CLMP: variants seen among roughly 807,000 people sequenced by gnomAD.
CLMP encodes the protein CXADR-like membrane protein.
Under a neutral mutation model 45.2 loss-of-function variants are expected in CLMP, and 27 were observed. The ratio of observed to expected loss-of-function variants is 0.60; its 90% CI spans 0.44 to 0.82. CLMP has a LOEUF of 0.82. Among genes scored for constraint, CLMP ranks in the 40% least tolerant of loss-of-function variants. CLMP has a pLI of 0.00. For missense variants in CLMP, 403 were observed against 448.4 expected (o/e 0.90, Z 0.91); for synonymous variants, 167 against 171.4 (o/e 0.97, Z 0.20).
chr11:123,118,824 G>A (rs80240999), intron 1 of CLMP, among the ~76,000 whole-genome samples: 12,983 of 151,936 alleles, frequency 0.085, 884 homozygotes, highest in African/African-American at 0.19. Flanking sequence ...TCACACTCAC[G>A]TACTCATTCA....
intron 1 of CLMP, among the ~76,000 whole-genome samples, chr11:123,125,525 T>TCCCTTCCCTC (rs1475470274): frequency 3.4e-5 from 3 of 89,480 alleles, no homozygotes; most frequent in East Asian, 8.7e-4. Context: ...TCCCTTCCCT[T>TCCCTTCCCTC]CCCTTCCCTC....
At chr11:123,083,924 C>A in intron 3 of CLMP, 77 bp from the exon 4 acceptor site, 1 of 1,527,078 alleles carries the variant, frequency 6.5e-7, no homozygotes, top group Non-Finnish European at 8.9e-7. Context: ...AAAATTATGT[C>A]CTATTGAGTT....
At chr11:123,074,162 A>G (rs868570532) in intron 6 of CLMP, among the ~76,000 whole-genome samples, 11 of 149,538 alleles carry the variant, frequency 7.4e-5, no homozygotes, top group African/African-American at 2.7e-4. Context: ...ATGTATATAC[A>G]TATGTACATA....
At position 123,195,083 on chromosome 11, in the gene CLMP, G is replaced by A; in HGVS notation, c.-143C>T. 1.7e-6 allele frequency: 1 copy of A among 597,162 alleles called. No individual in the cohort carries two copies. The highest frequency in any genetic ancestry group is 2.4e-6 in the Non-Finnish European group (1 of 413,598). 37.0% of individuals were successfully genotyped at this position (597,162 alleles called of 1,614,324 possible). ...GGCTGCAGCCATGTGCCGGGCGGGAGCCGGCCCCGCGCCCCGTGCCCCTGG... is the reference window on the plus strand; with the variant it reads ...GGCTGCAGCCATGTGCCGGGCGGGAACCGGCCCCGCGCCCCGTGCCCCTGG... On this transcript the variant is annotated 5_prime_UTR_variant, in exon 1 of 7. Coordinates refer to ENST00000448775, the MANE Select transcript of CLMP (RefSeq NM_024769.5).
intron 1 of CLMP, among the ~76,000 whole-genome samples, chr11:123,119,044 TCCCTCTCC>T (rs1565387997): frequency 6.2e-5 from 2 of 32,404 alleles, no homozygotes; most frequent in Non-Finnish European, 1.1e-4. Context: ...TCTCTCTCTC[TCCCTCTCC>T]CTCTCTCTCT....
At chr11:123,081,363 T>TA (rs1162010175) in intron 5 of CLMP, among the ~76,000 whole-genome samples, 3 of 152,202 alleles carry the variant, frequency 2.0e-5, no homozygotes, top group African/African-American at 7.2e-5. Context: ...ACTCAATCTC[T>TA]AGATTATAAG....
rs1023456275 is a variant in CLMP at position 123,107,232 on chromosome 11, A to AT, written c.29-9281dup. On this transcript the variant is annotated intron_variant, in intron 1 of 6. Transcript: ENST00000448775. ...TTCACCACCATGCCTGGCTAATGAA[A>AT]TTTTTTTTTTTTAATTTAGACGGAG... Among the ~76,000 whole-genome samples the AT allele has an allele frequency of 9.1e-3, 1,311 of 143,936 alleles. 15 individuals are homozygous for AT. Among genetic ancestry groups the AT allele is most frequent in the Middle Eastern group, 0.021 (6 of 280 alleles). The allele number at this position is 143,936 out of a possible 152,430, so 94.4% of individuals were successfully genotyped here. A position where few individuals can be genotyped will look rare whatever the true frequency, so the allele number is the denominator to read the frequency against.
chr11:123,118,697 T>C (rs1477188253), intron 1 of CLMP, among the ~76,000 whole-genome samples: 1 of 152,116 alleles, frequency 6.6e-6, no homozygotes, highest in African/African-American at 2.4e-5. Context: ...ACCCAGTTTA[T>C]ATCCCAGCAG....
chr11:123,117,601 AT>A (rs1860736372), intron 1 of CLMP, among the ~76,000 whole-genome samples: 1 of 150,536 alleles, frequency 6.6e-6, no homozygotes, highest in Non-Finnish European at 1.5e-5. Context: ...TAATTTTTGT[AT>A]TTTTAGTAGA....
At chr11:123,184,580 G>A (rs1333493474) in intron 1 of CLMP, among the ~76,000 whole-genome samples, 1 of 152,104 alleles carries the variant, frequency 6.6e-6, no homozygotes, top group Non-Finnish European at 1.5e-5. Flanking sequence ...CACGGAAGGA[G>A]CTCCTGAATT....
intron 1 of CLMP, among the ~76,000 whole-genome samples, chr11:123,160,183 A>C (rs1054974459): frequency 6.8e-6 from 1 of 147,500 alleles, no homozygotes; most frequent in Non-Finnish European, 1.5e-5. Context: ...GGGAGGCTGA[A>C]GCAGGAGAAT....
chr11:123,099,401 G>A (rs1866028646), intron 1 of CLMP, among the ~76,000 whole-genome samples: 1 of 152,134 alleles, frequency 6.6e-6, no homozygotes, highest in East Asian at 1.9e-4. Flanking sequence ...ATGATCAAAG[G>A]GCTATGCAAA....
chr11:123,120,855 G>A (rs907656690), intron 1 of CLMP, among the ~76,000 whole-genome samples: 5 of 151,934 alleles, frequency 3.3e-5, no homozygotes, highest in African/African-American at 7.3e-5. Context: ...GGCCGGGCGC[G>A]GTGGCTCACG....
intron 1 of CLMP, among the ~76,000 whole-genome samples, chr11:123,128,393 G>C (rs1351632260): frequency 8.7e-6 from 1 of 114,666 alleles, no homozygotes; most frequent in Non-Finnish European, 1.8e-5. Flanking sequence ...GCTCAGGCCT[G>C]TAATCCTGGC....
At chr11:123,094,984 C>G (rs947062118) in intron 2 of CLMP, among the ~76,000 whole-genome samples, 3 of 152,156 alleles carry the variant, frequency 2.0e-5, no homozygotes, top group African/African-American at 7.2e-5. Flanking sequence ...TCTAAGAAGG[C>G]AAGGACTATG....
At chr11:123,179,076 T>C (rs1053646108) in intron 1 of CLMP, among the ~76,000 whole-genome samples, 3 of 152,196 alleles carry the variant, frequency 2.0e-5, no homozygotes, top group African/African-American at 7.2e-5. Flanking sequence ...CATGAGCCAC[T>C]ACACCCAGCC....
At chr11:123,165,410 A>G (rs572563323) in intron 1 of CLMP, among the ~76,000 whole-genome samples, 1 of 152,368 alleles carries the variant, frequency 6.6e-6, no homozygotes, top group East Asian at 1.9e-4. Flanking sequence ...AAAATAGTGT[A>G]TATGAAGTCC....
chr11:123,093,860 C>G (rs769352752), intron 2 of CLMP, among the ~76,000 whole-genome samples: 29 of 152,248 alleles, frequency 1.9e-4, no homozygotes, highest in Non-Finnish European at 3.4e-4. Context: ...TTATATAGAA[C>G]AGATGGAGCA....
At chr11:123,106,442 C>T (rs995183921) in intron 1 of CLMP, among the ~76,000 whole-genome samples, 4 of 132,904 alleles carry the variant, frequency 3.0e-5, no homozygotes, top group Non-Finnish European at 4.9e-5. Context: ...CGCGCGCGCA[C>T]GTGCCTGCCT....
Sources: gnomAD v4.1 joint callset for allele counts (sites outside exome capture counted in the v4.1 genomes callset) on GRCh38, gnomAD v4.1.1 for gene constraint, MANE v1.5 for transcripts, NCBI Gene and HGNC (gene_info 2026-07-23, HGNC 2026-07-21) for gene names.